The following ATXN1 variants were observed in gnomAD, a reference collection of about 807,000 sequenced individuals.
The protein encoded by ATXN1 is ataxin-1.
In ATXN1, 8 loss-of-function variants were observed where a neutral mutation model predicts 56.4. That is an observed-to-expected ratio of 0.14 (90% CI 0.08 to 0.26). ATXN1 has a LOEUF of 0.26. ATXN1 is among the 10% of genes least tolerant of loss of function. ATXN1 has a pLI of 1.00. For missense variants in ATXN1, 987 were observed against 1,106.5 expected (o/e 0.89, Z 1.53); for synonymous variants, 514 against 494.6 (o/e 1.04, Z -0.52).
At chr6:16,581,199 G>A (rs888216283) in intron 4 of ATXN1, among the ~76,000 whole-genome samples, 4 of 115,484 alleles carry the variant, frequency 3.5e-5, no homozygotes. Context: ...AATGCACTGT[G>A]TGTGTGTGTG....
At chr6:16,311,075 T>C (rs1760378971) in intron 7 of ATXN1, among the ~76,000 whole-genome samples, 1 of 152,220 alleles carries the variant, frequency 6.6e-6, no homozygotes, top group Non-Finnish European at 1.5e-5. Flanking sequence ...GAAAGTTTCA[T>C]TGTTCTGGGC....
intron 4 of ATXN1, among the ~76,000 whole-genome samples, chr6:16,557,810 C>A (rs1762041667): frequency 6.6e-6 from 1 of 152,144 alleles, no homozygotes; most frequent in East Asian, 1.9e-4. Context: ...ACATCCTGCA[C>A]TAAAATAAAT....
Position 16,302,905 on chromosome 6 carries a change from G to A in ATXN1, c.*3424C>T, listed in dbSNP as rs1275402503. ...TCGTTAATGTTTGCTACACAGAAGC[G>A]GTGACAGAGGCTGCTCTGGGAGCCT... On this transcript the variant is annotated 3_prime_UTR_variant, in exon 8 of 8. Coordinates refer to ENST00000436367, the MANE Select transcript of ATXN1 (RefSeq NM_001128164.2). 5.9e-5 allele frequency: 9 copies of A among 152,788 alleles called. No individual in the cohort carries two copies. The East Asian group carries it at 1.5e-3, about 26-fold the overall frequency. 9.5% of individuals were successfully genotyped at this position (152,788 alleles called of 1,614,324 possible).
intron 3 of ATXN1, among the ~76,000 whole-genome samples, chr6:16,607,797 T>C (rs1433877840): frequency 6.6e-6 from 1 of 152,220 alleles, no homozygotes; most frequent in African/African-American, 2.4e-5. Context: ...CAGATCCTAA[T>C]ATGGTCAACC....
intron 4 of ATXN1, among the ~76,000 whole-genome samples, chr6:16,536,730 A>G (rs1046608188): frequency 6.6e-6 from 1 of 151,484 alleles, no homozygotes. Flanking sequence ...GCAATGTGCA[A>G]TGCAATTAGG....
chr6:16,576,084 G>A (rs1299176216), intron 4 of ATXN1, among the ~76,000 whole-genome samples: 1 of 148,966 alleles, frequency 6.7e-6, no homozygotes, highest in Non-Finnish European at 1.5e-5. Flanking sequence ...TAGGAAAATT[G>A]GAAACAGCTA....
intron 4 of ATXN1, among the ~76,000 whole-genome samples, chr6:16,570,001 C>T (rs892773676): frequency 6.6e-6 from 1 of 152,204 alleles, no homozygotes; most frequent in African/African-American, 2.4e-5. Flanking sequence ...CCCTCTCCAA[C>T]TGCAGAACAC....
intron 3 of ATXN1, among the ~76,000 whole-genome samples, chr6:16,605,829 G>A (rs1321135898): frequency 2.6e-5 from 4 of 152,046 alleles, no homozygotes; most frequent in African/African-American, 9.7e-5. Flanking sequence ...CCGTAAAATG[G>A]CCAAGATAAC....
chr6:16,431,616 C>G (rs1016572378), intron 6 of ATXN1, among the ~76,000 whole-genome samples: 1 of 152,128 alleles, frequency 6.6e-6, no homozygotes. Flanking sequence ...TAACTATTTT[C>G]CAGGGAGTAT....
intron 5 of ATXN1, among the ~76,000 whole-genome samples, chr6:16,517,633 G>A (rs1483668633): frequency 6.6e-6 from 1 of 152,084 alleles, no homozygotes; most frequent in Non-Finnish European, 1.5e-5. Flanking sequence ...TAAAAGATAT[G>A]TAAACAAATA....
At chr6:16,480,399 T>C (rs921887478) in intron 6 of ATXN1, among the ~76,000 whole-genome samples, 1 of 152,118 alleles carries the variant, frequency 6.6e-6, no homozygotes, top group Admixed American at 6.5e-5. Context: ...TATATTGGGT[T>C]GAAATTCCAC....
chr6:16,594,428 T>C lies in ATXN1; in HGVS notation c.-488-8521A>G, dbSNP rs1369136577. On this transcript the variant is annotated intron_variant, in intron 3 of 7. Transcript: ENST00000436367. ...TCATTTCAGAATCAAGAAAGAGATC[T>C]ATTTGTGCTGAAGTTGGTGTTACAG... Among the ~76,000 whole-genome samples, 3 of 152,162 alleles carry C rather than the reference T, an allele frequency of 2.0e-5. No individual in the cohort carries two copies. The East Asian group carries it at 5.8e-4, about 29-fold the overall frequency.
Position 16,304,803 on chromosome 6 carries a change from G to A in ATXN1, c.*1526C>T, listed in dbSNP as rs935244371. Reference sequence around the variant, plus strand: ...GTTATAAACTCAATATGTGCAAATCGCAAGGTTCTTTAAAAGTTCATCTTA... The same window carrying A: ...GTTATAAACTCAATATGTGCAAATCACAAGGTTCTTTAAAAGTTCATCTTA... On this transcript the variant is annotated 3_prime_UTR_variant, in exon 8 of 8. Coordinates refer to ENST00000436367, the MANE Select transcript of ATXN1 (RefSeq NM_001128164.2). 1 of 152,598 alleles carries A rather than the reference G, an allele frequency of 6.6e-6. No individual in the cohort carries two copies. The highest frequency in any genetic ancestry group is 2.1e-4 in the South Asian group (1 of 4,826). 9.5% of individuals were successfully genotyped at this position (152,598 alleles called of 1,614,324 possible).
intron 3 of ATXN1, among the ~76,000 whole-genome samples, chr6:16,600,906 T>C (rs1344284705): frequency 1.3e-5 from 2 of 152,228 alleles, no homozygotes; most frequent in African/African-American, 4.8e-5. Flanking sequence ...GTAATTCCTT[T>C]GATTCTTAGA....
chr6:16,426,873 A>G (rs1759167906), intron 6 of ATXN1, among the ~76,000 whole-genome samples: 1 of 136,310 alleles, frequency 7.3e-6, no homozygotes, highest in Non-Finnish European at 1.7e-5. Context: ...AACTGGGGGA[A>G]AGAAAAAAAA....
At chr6:16,688,619 C>T (rs553830643) in intron 2 of ATXN1, among the ~76,000 whole-genome samples, 18 of 152,330 alleles carry the variant, frequency 1.2e-4, no homozygotes, top group Non-Finnish European at 2.4e-4. Context: ...GCCAGCCTTG[C>T]TCAACATAAT....
intron 7 of ATXN1, among the ~76,000 whole-genome samples, chr6:16,320,773 G>T (rs555365950): frequency 6.6e-6 from 1 of 152,342 alleles, no homozygotes; most frequent in Admixed American, 6.5e-5. Flanking sequence ...TTCATACTCA[G>T]AAATACAGAT....
intron 4 of ATXN1, among the ~76,000 whole-genome samples, chr6:16,528,628 G>C (rs1761439470): frequency 2.0e-5 from 3 of 152,140 alleles, no homozygotes; most frequent in African/African-American, 7.2e-5. Flanking sequence ...ACAACCATTT[G>C]CTGAGTGGCT....
At chr6:16,524,882 A>G (rs1235350415) in intron 4 of ATXN1, among the ~76,000 whole-genome samples, 1 of 152,104 alleles carries the variant, frequency 6.6e-6, no homozygotes, top group African/African-American at 2.4e-5. Flanking sequence ...GTAAAACCCC[A>G]TCTCTACTAA....
Sources: gnomAD v4.1 joint callset for allele counts (sites outside exome capture counted in the v4.1 genomes callset) on GRCh38, gnomAD v4.1.1 for gene constraint, MANE v1.5 for transcripts, NCBI Gene and HGNC (gene_info 2026-07-23, HGNC 2026-07-21) for gene names.